RMDN2: variants seen among roughly 807,000 people sequenced by gnomAD.
RMDN2 encodes the protein regulator of microtubule dynamics 2.
Under a neutral mutation model 52.8 loss-of-function variants are expected in RMDN2, and 61 were observed. The observed-to-expected ratio is 1.16, with a 90% confidence interval of 0.94 to 1.43. The LOEUF is 1.43. RMDN2 is among the 40% of genes most tolerant of loss of function. The pLI is 0.00. For missense variants in RMDN2, 592 were observed against 475.3 expected, an observed-to-expected ratio of 1.25 and a Z score of -2.28; for synonymous variants, 180 against 153.1, an observed-to-expected ratio of 1.18 and a Z score of -1.30.
At chr2:38,054,591 C>A (rs1446570458) in intron 10 of RMDN2, among the ~76,000 whole-genome samples, 1 of 152,176 alleles carries the variant, frequency 6.6e-6, no homozygotes, top group Non-Finnish European at 1.5e-5. Context: ...TAAATGAATG[C>A]ATTTTCCTCC....
intron 2 of RMDN2, among the ~76,000 whole-genome samples, chr2:37,936,410 G>A (rs1016815491): frequency 1.3e-5 from 2 of 152,154 alleles, no homozygotes; most frequent in Non-Finnish European, 2.9e-5. Context: ...TATATACCCC[G>A]TAATGGGATT....
chr2:37,989,533 C>G lies in RMDN2; in HGVS notation c.792-8C>G. 2 of 1,604,468 alleles carry G rather than the reference C, an allele frequency of 1.2e-6. No homozygotes were observed. On this transcript the variant is annotated splice_polypyrimidine_tract_variant and splice_region_variant and intron_variant, in intron 5 of 10. Transcript: ENST00000354545. ...GCCACTGTTTTTGTCTGTTTTTGTC[C>G]TTTTCAGGTATGCAGTTTTGTGTGG...
chr2:38,016,065 A>G (rs1289861662), intron 10 of RMDN2, among the ~76,000 whole-genome samples: 1 of 152,256 alleles, frequency 6.6e-6, no homozygotes, highest in Non-Finnish European at 1.5e-5. Flanking sequence ...TTAATCATAT[A>G]GCTATGCAGC....
chr2:38,000,703 C>G (rs1427323689), intron 8 of RMDN2, among the ~76,000 whole-genome samples: 2 of 152,126 alleles, frequency 1.3e-5, no homozygotes, highest in African/African-American at 2.4e-5. Context: ...AAGTAATATT[C>G]CATTATATGG....
At chr2:37,992,303 G>C (rs927618036) in intron 7 of RMDN2, among the ~76,000 whole-genome samples, 1 of 152,082 alleles carries the variant, frequency 6.6e-6, no homozygotes, top group Non-Finnish European at 1.5e-5. Context: ...CTTACATTTT[G>C]TTAAGGAAAA....
At chr2:38,060,627 C>G (rs1023325724) in intron 10 of RMDN2, among the ~76,000 whole-genome samples, 73 of 152,254 alleles carry the variant, frequency 4.8e-4, no homozygotes, top group African/African-American at 1.7e-3. Flanking sequence ...AAGACAAGCT[C>G]AGAGCATCCT....
chr2:38,042,593 A>C (rs1200272957), intron 10 of RMDN2, among the ~76,000 whole-genome samples: 5 of 151,786 alleles, frequency 3.3e-5, no homozygotes, highest in Non-Finnish European at 4.4e-5. Flanking sequence ...GGAAGCTTAG[A>C]TTGCTGATTT....
At chr2:38,048,311 G>A (rs1230781684) in intron 10 of RMDN2, among the ~76,000 whole-genome samples, 1 of 152,144 alleles carries the variant, frequency 6.6e-6, no homozygotes, top group Non-Finnish European at 1.5e-5. Flanking sequence ...ATCAATAACA[G>A]GCCTGGGATA....
chr2:37,937,011 G>A (rs1357877686), intron 2 of RMDN2, among the ~76,000 whole-genome samples: 1 of 152,102 alleles, frequency 6.6e-6, no homozygotes, highest in African/African-American at 2.4e-5. Context: ...TTCTTCTAGG[G>A]TTTTTATGGT....
intron 10 of RMDN2, chr2:38,027,304 G>T (rs760886344): frequency 2.6e-5 from 4 of 152,096 alleles, no homozygotes; most frequent in Non-Finnish European, 4.4e-5. Flanking sequence ...CCATCTCTCA[G>T]GGGTTGCTGT....
intron 2 of RMDN2, among the ~76,000 whole-genome samples, chr2:37,930,543 G>A (rs1053698510): frequency 2.4e-4 from 36 of 152,324 alleles, no homozygotes; most frequent in African/African-American, 8.4e-4. Context: ...AATACAAGCT[G>A]GAGGGCAGGG....
chr2:38,011,842 C>A (rs770303694), intron 10 of RMDN2, among the ~76,000 whole-genome samples: 1 of 152,142 alleles, frequency 6.6e-6, no homozygotes, highest in Non-Finnish European at 1.5e-5. Context: ...TTGCCTGGAG[C>A]AAAAGGAATG....
intron 10 of RMDN2, among the ~76,000 whole-genome samples, chr2:38,048,686 C>A (rs944634440): frequency 6.6e-6 from 1 of 152,188 alleles, no homozygotes; most frequent in Non-Finnish European, 1.5e-5. Context: ...ACCAGGTAGT[C>A]AGGGATCCTT....
At chr2:38,062,494 T>C (rs959445788) in intron 10 of RMDN2, among the ~76,000 whole-genome samples, 2 of 152,232 alleles carry the variant, frequency 1.3e-5, no homozygotes, top group East Asian at 1.9e-4. Flanking sequence ...TTAGGTTGTT[T>C]TCAGTATGAA....
chr2:38,010,959 C>T (rs989106668), intron 10 of RMDN2, among the ~76,000 whole-genome samples: 2 of 152,162 alleles, frequency 1.3e-5, no homozygotes, highest in African/African-American at 2.4e-5. Context: ...CACCAGGAGG[C>T]CCCTACCAGT....
intron 10 of RMDN2, 120 bp from the exon 11 acceptor site, chr2:38,017,048 GTGATTGCACGTACCCTCA>G (rs1320263362): frequency 2.3e-5 from 9 of 390,946 alleles, no homozygotes; most frequent in Non-Finnish European, 4.1e-5. Context: ...AAAGTATTTG[GTGATTGCACGTACCCTCA>G]TGAACCTTAA....
At chr2:38,060,519 A>C (rs1266095417) in intron 10 of RMDN2, among the ~76,000 whole-genome samples, 2 of 152,122 alleles carry the variant, frequency 1.3e-5, no homozygotes, top group African/African-American at 2.4e-5. Flanking sequence ...AAGAGTCTCA[A>C]ATTTAAATAC....
At chr2:38,026,314 C>G (rs1238176034) in intron 10 of RMDN2, among the ~76,000 whole-genome samples, 7 of 152,020 alleles carry the variant, frequency 4.6e-5, no homozygotes, top group African/African-American at 1.4e-4. Flanking sequence ...CTCTCTCATT[C>G]TTGATATTTG....
intron 2 of RMDN2, chr2:37,949,868 C>T (rs1025786364): frequency 6.5e-6 from 1 of 153,516 alleles, no homozygotes; most frequent in Non-Finnish European, 1.4e-5. Context: ...TGTTTCTTTT[C>T]TAATAACTCT....
Sources: allele counts gnomAD v4.1 joint callset (sites outside exome capture counted in the v4.1 genomes callset), GRCh38; gene constraint gnomAD v4.1.1; transcripts MANE v1.5; gene names NCBI Gene and HGNC (gene_info 2026-07-23, HGNC 2026-07-21).